The following MAP2K6 variants were observed in gnomAD, a reference collection of about 807,000 sequenced individuals.
The protein encoded by MAP2K6 is mitogen-activated protein kinase kinase 6.
Under a neutral mutation model 53.7 loss-of-function variants are expected in MAP2K6, and 16 were observed. The ratio of observed to expected loss-of-function variants is 0.30; its 90% CI spans 0.20 to 0.45. MAP2K6 has a LOEUF of 0.45. Ranked by LOEUF, MAP2K6 falls within the 20% of genes least tolerant of loss-of-function variation. The pLI is 1.00. For missense variants in MAP2K6, 204 were observed against 411.9 expected, an observed-to-expected ratio of 0.50 and a Z score of 4.37; for synonymous variants, 132 against 143.1, an observed-to-expected ratio of 0.92 and a Z score of 0.55.
At position 69,536,150 on chromosome 17, in the gene MAP2K6, C is replaced by T. The variant is rs1000985630; in HGVS notation, c.917C>T (p.Pro306Leu). 14 of 1,611,194 alleles carry T rather than the reference C, an allele frequency of 8.7e-6. No homozygotes were observed. Among genetic ancestry groups the T allele is most frequent in the Admixed American group, 1.7e-5 (1 of 59,670 alleles). Residue 306 changes from proline to leucine, a missense_variant, in exon 11 of 12, where the codon CCA becomes CTA. This residue lies in a region of MAP2K6 where 47 missense variants were observed against 62.3 expected (regional missense o/e 0.75). Transcript: ENST00000590474. ...AATTCCAAAGAACGGCCTACATACC[C>T]AGAGCTAATGGTGAGTATTGTTAGC... is the stretch of plus-strand genomic sequence containing the variant. ...KKNSKERPTYPELMQHPFFTL... is the reference protein window; with the variant it reads ...KKNSKERPTYLELMQHPFFTL...
chr17:69,484,060 C>A (rs1908439001), intron 1 of MAP2K6, among the ~76,000 whole-genome samples: 1 of 151,882 alleles, frequency 6.6e-6, no homozygotes, highest in Non-Finnish European at 1.5e-5. Flanking sequence ...AATAGCAAAA[C>A]CGTAAGCACC....
At chr17:69,451,437 C>T (rs944920571) in intron 1 of MAP2K6, among the ~76,000 whole-genome samples, 24 of 152,082 alleles carry the variant, frequency 1.6e-4, no homozygotes, top group African/African-American at 5.8e-4. Flanking sequence ...TCAGTGCAGG[C>T]GATGAGAAGT....
intron 1 of MAP2K6, chr17:69,501,724 G>C (rs1190926820): frequency 2.0e-5 from 3 of 152,116 alleles, no homozygotes; most frequent in Non-Finnish European, 4.4e-5. Context: ...CCAATAAGCA[G>C]TCGAGGCTTG....
intron 8 of MAP2K6, among the ~76,000 whole-genome samples, chr17:69,524,103 C>G (rs1378359321): frequency 2.6e-5 from 4 of 152,080 alleles, no homozygotes; most frequent in East Asian, 3.9e-4. Context: ...AATCACCCCC[C>G]AAAGGCCCTG....
intron 1 of MAP2K6, among the ~76,000 whole-genome samples, chr17:69,460,415 T>C (rs1907586423): frequency 6.6e-6 from 1 of 152,152 alleles, no homozygotes; most frequent in Non-Finnish European, 1.5e-5. Flanking sequence ...CTGGTGCAGC[T>C]GAAGGAGTAT....
At chr17:69,426,172 G>A (rs186223114) in intron 1 of MAP2K6, among the ~76,000 whole-genome samples, 2 of 152,200 alleles carry the variant, frequency 1.3e-5, no homozygotes, top group Admixed American at 1.3e-4. Context: ...CACTGTTCCC[G>A]GCTCAAATAA....
At chr17:69,496,929 G>A (rs1055668395) in intron 1 of MAP2K6, among the ~76,000 whole-genome samples, 2 of 152,112 alleles carry the variant, frequency 1.3e-5, no homozygotes, top group African/African-American at 2.4e-5. Context: ...GGGTGGAAAA[G>A]CCAGATGACG....
intron 1 of MAP2K6, among the ~76,000 whole-genome samples, chr17:69,497,723 C>A (rs915760442): frequency 6.6e-6 from 1 of 152,168 alleles, no homozygotes; most frequent in Non-Finnish European, 1.5e-5. Flanking sequence ...TTTGAATATA[C>A]CACAGTGCTT....
intron 9 of MAP2K6, among the ~76,000 whole-genome samples, chr17:69,525,816 C>A (rs556907541): frequency 3.3e-5 from 5 of 152,164 alleles, no homozygotes; most frequent in Non-Finnish European, 7.3e-5. Context: ...GGGGACACAG[C>A]CCAACCGTAT....
At chr17:69,471,565 C>T (rs1002287845) in intron 1 of MAP2K6, among the ~76,000 whole-genome samples, 6 of 152,136 alleles carry the variant, frequency 3.9e-5, no homozygotes, top group Non-Finnish European at 5.9e-5. Flanking sequence ...CTACTAGGCG[C>T]AATGTTCACT....
At chr17:69,525,619 A>T (rs1235843524) in intron 9 of MAP2K6, among the ~76,000 whole-genome samples, 2 of 152,242 alleles carry the variant, frequency 1.3e-5, no homozygotes, top group Non-Finnish European at 2.9e-5. Flanking sequence ...AGAGAGAATG[A>T]GATGAGACAG....
chr17:69,479,918 T>C (rs1156799013), intron 1 of MAP2K6, among the ~76,000 whole-genome samples: 1 of 151,938 alleles, frequency 6.6e-6, no homozygotes, highest in Non-Finnish European at 1.5e-5. Context: ...TCTTTAGTAC[T>C]AGAGATGGGA....
At chr17:69,538,257 C>T (rs770708214) in intron 11 of MAP2K6, among the ~76,000 whole-genome samples, 18 of 152,246 alleles carry the variant, frequency 1.2e-4, no homozygotes, top group Middle Eastern at 3.4e-3. Context: ...CAAATGGTTT[C>T]GGATCAGAAA....
At chr17:69,525,378 TG>T (rs1470164291) in intron 9 of MAP2K6, among the ~76,000 whole-genome samples, 6 of 152,196 alleles carry the variant, frequency 3.9e-5, no homozygotes, top group African/African-American at 1.4e-4. Flanking sequence ...GATAGGGCCG[TG>T]TTATCCAGGA....
chr17:69,538,595 G>A lies in MAP2K6; in HGVS notation c.927+2435G>A, dbSNP rs541569979. On this transcript the variant is annotated intron_variant, in intron 11 of 11. Coordinates refer to ENST00000590474, the MANE Select transcript of MAP2K6 (RefSeq NM_002758.4). ...TTGTTTAGATTTTAGGAGTTGGTGA[G>A]GAAGTATGAAGGAAAAAAATAATCC... 8.4e-4 allele frequency among the ~76,000 whole-genome samples: 128 copies of A among 152,314 alleles called. 5 individuals carry two copies. The South Asian group carries it at 0.026, about 31-fold the overall frequency.
rs555032812 is a variant in MAP2K6 at position 69,507,949 on chromosome 17, C to T, written c.83+2103C>T. On this transcript the variant is annotated intron_variant, in intron 2 of 11. Coordinates refer to ENST00000590474, the MANE Select transcript of MAP2K6 (RefSeq NM_002758.4). ...ATTTTATGTTCTCAGCAATAATGTC[C>T]GAATAATCTAGTTTTTCTGGATCTC... Among the ~76,000 whole-genome samples, 16 of 150,388 alleles carry T rather than the reference C, an allele frequency of 1.1e-4. 1 individual carries two copies. In the South Asian group the frequency reaches 2.7e-3, roughly 26 times the overall value.
intron 2 of MAP2K6, among the ~76,000 whole-genome samples, chr17:69,514,336 T>C (rs1910027593): frequency 6.6e-6 from 1 of 152,176 alleles, no homozygotes; most frequent in South Asian, 2.1e-4. Flanking sequence ...AAAAATTCCC[T>C]GCTCAGAAAC....
intron 1 of MAP2K6, among the ~76,000 whole-genome samples, chr17:69,458,168 C>G (rs1007007405): frequency 6.6e-6 from 1 of 152,122 alleles, no homozygotes; most frequent in African/African-American, 2.4e-5. Context: ...ATCCTCGTGC[C>G]TGAGCCTCCC....
chr17:69,416,131 G>T (rs577311343), intron 1 of MAP2K6, among the ~76,000 whole-genome samples: 6 of 152,224 alleles, frequency 3.9e-5, no homozygotes, highest in Admixed American at 6.5e-5. Context: ...AGGCTACCCG[G>T]GGCACTCTTT....
Sources: gnomAD v4.1 joint callset for allele counts (sites outside exome capture counted in the v4.1 genomes callset) on GRCh38, gnomAD v4.1.1 for gene constraint, gnomAD v4.1.1 regional missense constraint, MANE v1.5 for transcripts, NCBI Gene and HGNC (gene_info 2026-07-23, HGNC 2026-07-21) for gene names.